Variants in RPAP2 observed in about 807,000 individuals in gnomAD.
The protein encoded by RPAP2 is putative RNA polymerase II subunit B1 CTD phosphatase RPAP2.
A neutral mutation model predicts 73.1 loss-of-function variants in RPAP2; 52 were observed. The ratio of observed to expected loss-of-function variants is 0.71; its 90% CI spans 0.57 to 0.90. The LOEUF (loss-of-function observed/expected upper bound fraction) is 0.90. RPAP2 is among the 40% of genes least tolerant of loss of function. The pLI is 0.00. For missense variants in RPAP2, 598 were observed against 701.8 expected (o/e 0.85, Z 1.67); for synonymous variants, 225 against 242.1 (o/e 0.93, Z 0.65).
At chr1:92,302,589 A>ATTTTTTTT (rs1557586485) in intron 3 of RPAP2, among the ~76,000 whole-genome samples, 1 of 92,266 alleles carries the variant, frequency 1.1e-5, no homozygotes. Flanking sequence ...TTCCGCATTA[A>ATTTTTTTT]ATTTTTTTTT....
intron 10 of RPAP2, among the ~76,000 whole-genome samples, chr1:92,343,023 A>C (rs575641772): frequency 6.6e-6 from 1 of 152,326 alleles, no homozygotes; most frequent in African/African-American, 2.4e-5. Context: ...AGTTGTCAGC[A>C]TATAGTTTCT....
At chr1:92,376,690 T>A (rs544310155) in intron 11 of RPAP2, among the ~76,000 whole-genome samples, 1 of 152,358 alleles carries the variant, frequency 6.6e-6, no homozygotes, top group East Asian at 1.9e-4. Context: ...AAAGCAAATT[T>A]AAATCATTCT....
intron 8 of RPAP2, among the ~76,000 whole-genome samples, chr1:92,328,233 A>C (rs1314924549): frequency 6.6e-6 from 1 of 152,184 alleles, no homozygotes; most frequent in Non-Finnish European, 1.5e-5. Context: ...TTCCTTGATT[A>C]TTCCCTCAAA....
At position 92,330,113 on chromosome 1, in the gene RPAP2, T is replaced by G. The variant is rs374981120; in HGVS notation, c.1456-3278T>G. On this transcript the variant is annotated intron_variant, in intron 8 of 12. Transcript: ENST00000610020. ...AATGACTCTTCTGCACCGTCCAGTTTCTTATTCTTCATTGGCAAAACTGAG... is the reference window on the plus strand; with the variant it reads ...AATGACTCTTCTGCACCGTCCAGTTGCTTATTCTTCATTGGCAAAACTGAG... 5.6e-4 allele frequency among the ~76,000 whole-genome samples: 86 copies of G among 152,284 alleles called. 1 individual carries two copies. The highest frequency in any genetic ancestry group is 1.9e-3 in the African/African-American group (81 of 41,564).
intron 11 of RPAP2, chr1:92,363,719 G>C: frequency 2.8e-6 from 1 of 362,082 alleles, no homozygotes; most frequent in Non-Finnish European, 5.5e-6. Flanking sequence ...CCTACTCAAT[G>C]TGAAGACAAG....
chr1:92,370,552 T>G (rs576176707), intron 11 of RPAP2, among the ~76,000 whole-genome samples: 11 of 152,262 alleles, frequency 7.2e-5, no homozygotes, highest in African/African-American at 1.9e-4. Flanking sequence ...TGTCTAGAAT[T>G]TAAGGTTTAT....
At chr1:92,326,818 C>T (rs1652660879) in intron 8 of RPAP2, among the ~76,000 whole-genome samples, 1 of 152,208 alleles carries the variant, frequency 6.6e-6, no homozygotes, top group Non-Finnish European at 1.5e-5. Flanking sequence ...TCAAACAGCA[C>T]CAAGTTTGTT....
At position 92,304,137 on chromosome 1, in the gene RPAP2, G is replaced by A. The variant is rs925951850; in HGVS notation, c.333+62G>A. On this transcript the variant is annotated intron_variant, in intron 4 of 12. Coordinates refer to ENST00000610020, the MANE Select transcript of RPAP2 (RefSeq NM_024813.3). ...TTATTTTCATTTAGCAAAATACTTT[G>A]TTGTAAGAATAAGAAATAAAACCTA... 1.7e-5 allele frequency: 22 copies of A among 1,333,062 alleles called. No individual in the cohort carries two copies. In the African/African-American group the frequency reaches 3.0e-4, roughly 18 times the overall value. 82.6% of individuals were successfully genotyped at this position (1,333,062 alleles called of 1,614,324 possible).
At chr1:92,344,745 C>T (rs907185245) in intron 10 of RPAP2, among the ~76,000 whole-genome samples, 6 of 152,094 alleles carry the variant, frequency 3.9e-5, no homozygotes, top group African/African-American at 1.4e-4. Flanking sequence ...CCTCACCAAC[C>T]CTTGGTATTG....
chr1:92,320,185 T>G (rs556911742), intron 6 of RPAP2, among the ~76,000 whole-genome samples: 1 of 152,278 alleles, frequency 6.6e-6, no homozygotes, highest in South Asian at 2.1e-4. Flanking sequence ...AATTTGAACT[T>G]AACCCTGAAA....
At chr1:92,385,118 G>A (rs887953498) in intron 12 of RPAP2, among the ~76,000 whole-genome samples, 1 of 150,152 alleles carries the variant, frequency 6.7e-6, no homozygotes, top group African/African-American at 2.5e-5. Context: ...AGGCTGCAGT[G>A]AGCCATGATC....
At chr1:92,358,590 TA>T (rs1654594447) in intron 11 of RPAP2, among the ~76,000 whole-genome samples, 1 of 152,206 alleles carries the variant, frequency 6.6e-6, no homozygotes, top group Admixed American at 6.5e-5. Flanking sequence ...GGCTCATCTT[TA>T]TTTTTTTTCC....
rs1024763561 is a variant in RPAP2 at position 92,320,614 on chromosome 1, A to C, written c.504A>C (p.Gln168His). The change falls in exon 7 of 13, where the codon CAA becomes CAC. Residue 168 changes from glutamine (Q) to histidine (H), a missense_variant. Physicochemically the swap from Gln to His is conservative, Grantham distance 24. Transcript: ENST00000610020. The stretch of plus-strand genomic sequence containing the variant: ...CTTATTACAGGCATCCTGATTTTCA[A>C]CTGCTAAAGGAAGAACAAAGGTATG... ...VREEERHPDF[Q>H]LLKEEQSGHS... is the part of the protein sequence containing the mutation. The C allele has an allele frequency of 1.2e-6, 2 of 1,611,292 alleles. No individual in the cohort carries two copies. The highest frequency in any genetic ancestry group is 1.1e-5 in the South Asian group (1 of 90,862).
intron 10 of RPAP2, among the ~76,000 whole-genome samples, chr1:92,343,384 C>T (rs1653704429): frequency 6.6e-6 from 1 of 152,126 alleles, no homozygotes; most frequent in Non-Finnish European, 1.5e-5. Context: ...AGCCATCAAA[C>T]AACGTGTCCA....
intron 11 of RPAP2, among the ~76,000 whole-genome samples, chr1:92,371,994 G>C (rs1655177065): frequency 6.6e-6 from 1 of 150,944 alleles, no homozygotes; most frequent in Non-Finnish European, 1.5e-5. Flanking sequence ...CAAAACAGTA[G>C]ATTTAAGTGT....
intron 11 of RPAP2, among the ~76,000 whole-genome samples, chr1:92,359,005 T>G (rs1012692549): frequency 6.6e-6 from 1 of 152,230 alleles, no homozygotes; most frequent in South Asian, 2.1e-4. Context: ...AAGTCTGCTC[T>G]CAGTAATTCC....
At chr1:92,374,412 G>A (rs557443532) in intron 11 of RPAP2, among the ~76,000 whole-genome samples, 1 of 152,276 alleles carries the variant, frequency 6.6e-6, no homozygotes, top group South Asian at 2.1e-4. Flanking sequence ...GGACTGCGTT[G>A]CTAGGTGCTT....
chr1:92,367,559 T>C (rs537426366), intron 11 of RPAP2, among the ~76,000 whole-genome samples: 1 of 152,310 alleles, frequency 6.6e-6, no homozygotes, highest in African/African-American at 2.4e-5. Context: ...TTCAGCCCAA[T>C]GTTATCTTTT....
chr1:92,389,417 A>G lies in RPAP2; in HGVS notation c.*2406A>G, dbSNP rs1655973647. 6.6e-6 allele frequency: 1 copy of G among 152,254 alleles called. No homozygotes were observed. The highest frequency in any genetic ancestry group is 6.5e-5 in the Admixed American group (1 of 15,290). The allele number at this position is 152,254 out of a possible 1,614,324, so 9.4% of individuals were successfully genotyped here. A position where few individuals can be genotyped will look rare whatever the true frequency, so the allele number is the denominator to read the frequency against. ...CCAACATCAGAGACCAAAGGTAGGT[A>G]AAACCACAAAGATGGGGAGAAACCA... On this transcript the variant is annotated 3_prime_UTR_variant, in exon 13 of 13. Transcript: ENST00000610020.
Sources: allele counts gnomAD v4.1 joint callset (sites outside exome capture counted in the v4.1 genomes callset), GRCh38; gene constraint gnomAD v4.1.1; transcripts MANE v1.5; gene names NCBI Gene and HGNC (gene_info 2026-07-23, HGNC 2026-07-21).